The following SPAG16 variants were observed in gnomAD, a reference collection of about 807,000 sequenced individuals.
SPAG16 encodes sperm associated antigen 16.
Under a neutral mutation model 80.4 loss-of-function variants are expected in SPAG16, and 86 were observed. The observed-to-expected ratio is 1.07, with a 90% confidence interval of 0.90 to 1.28. The LOEUF (loss-of-function observed/expected upper bound fraction) is 1.28, where lower values mean the gene tolerates loss of function less well. SPAG16 is among the 50% of genes most tolerant of loss of function. SPAG16 has a pLI of 0.00. For synonymous variants in SPAG16, 294 were observed against 265.9 expected (o/e 1.11, Z -1.03); for missense variants, 870 against 765.3 (o/e 1.14, Z -1.61).
chr2:213,529,198 G>C (rs2075985742), intron 10 of SPAG16, among the ~76,000 whole-genome samples: 1 of 152,102 alleles, frequency 6.6e-6, no homozygotes, highest in East Asian at 1.9e-4. Flanking sequence ...CTAAACTGTA[G>C]GATGTTTAAA....
intron 15 of SPAG16, among the ~76,000 whole-genome samples, chr2:214,280,142 G>T (rs1171757395): frequency 6.6e-6 from 1 of 152,132 alleles, no homozygotes; most frequent in Admixed American, 6.5e-5. Context: ...AAATAGAGAT[G>T]ATGTCGGTAA....
chr2:213,963,992 A>C (rs1461276556), intron 12 of SPAG16, among the ~76,000 whole-genome samples: 4 of 152,158 alleles, frequency 2.6e-5, no homozygotes, highest in Non-Finnish European at 5.9e-5. Context: ...TCTCTGCCTT[A>C]TGATTGAATT....
At chr2:213,435,522 TC>T (rs779843893) in intron 9 of SPAG16, among the ~76,000 whole-genome samples, 1 of 152,164 alleles carries the variant, frequency 6.6e-6, no homozygotes, top group Non-Finnish European at 1.5e-5. Context: ...CACGTGTAAC[TC>T]TTTAATTTAT....
intron 10 of SPAG16, among the ~76,000 whole-genome samples, chr2:213,516,762 G>A (rs1575810098): frequency 6.6e-6 from 1 of 152,274 alleles, no homozygotes; most frequent in Admixed American, 6.5e-5. Context: ...ATCATAGGTA[G>A]CCTTTGAGTA....
chr2:213,649,325 A>G (rs1222890366), intron 10 of SPAG16, among the ~76,000 whole-genome samples: 1 of 152,198 alleles, frequency 6.6e-6, no homozygotes, highest in African/African-American at 2.4e-5. Flanking sequence ...GTTAAACTGG[A>G]AAGATAGGTC....
At chr2:214,134,409 C>T (rs2054941371) in intron 14 of SPAG16, among the ~76,000 whole-genome samples, 1 of 152,152 alleles carries the variant, frequency 6.6e-6, no homozygotes, top group Non-Finnish European at 1.5e-5. Flanking sequence ...GCCAAACATT[C>T]CTTGTCTACA....
intron 13 of SPAG16, among the ~76,000 whole-genome samples, chr2:214,069,783 TA>T (rs56978658): frequency 1.6e-4 from 25 of 151,836 alleles, no homozygotes; most frequent in Non-Finnish European, 2.8e-4. Flanking sequence ...CTAAATTTTC[TA>T]AAAAAAATCA....
chr2:213,626,641 ATTTTTTTTT>A (rs10582370), intron 10 of SPAG16, among the ~76,000 whole-genome samples: 3 of 98,980 alleles, frequency 3.0e-5, no homozygotes, highest in Non-Finnish European at 5.8e-5. Flanking sequence ...ATCGGGCTCA[ATTTTTTTTT>A]TTTTTTTTTT....
chr2:213,307,459 G>C (rs1466064635), intron 3 of SPAG16, among the ~76,000 whole-genome samples: 1 of 140,758 alleles, frequency 7.1e-6, no homozygotes, highest in East Asian at 2.1e-4. Flanking sequence ...TGCGGTGTTT[G>C]GTTTTTTGTT....
intron 9 of SPAG16, among the ~76,000 whole-genome samples, chr2:213,455,218 GTT>G (rs2071928609): frequency 6.6e-6 from 1 of 152,126 alleles, no homozygotes; most frequent in Admixed American, 6.5e-5. Flanking sequence ...TGATTCTGAA[GTT>G]TTACCTGAGG....
At chr2:213,767,511 T>C (rs765327830) in intron 10 of SPAG16, among the ~76,000 whole-genome samples, 1 of 151,744 alleles carries the variant, frequency 6.6e-6, no homozygotes, top group Non-Finnish European at 1.5e-5. Flanking sequence ...TTACAAAAAA[T>C]AAAAATAAAT....
At chr2:213,940,428 A>C (rs2079150587) in intron 12 of SPAG16, among the ~76,000 whole-genome samples, 1 of 152,154 alleles carries the variant, frequency 6.6e-6, no homozygotes, top group East Asian at 1.9e-4. Flanking sequence ...CTGAGAGTAC[A>C]GGCAGGCACA....
chr2:214,035,937 G>C (rs536298781), intron 13 of SPAG16, among the ~76,000 whole-genome samples: 2 of 152,306 alleles, frequency 1.3e-5, no homozygotes, highest in African/African-American at 4.8e-5. Flanking sequence ...ACTGCAGCCG[G>C]TGTCATGCAG....
intron 9 of SPAG16, among the ~76,000 whole-genome samples, chr2:213,386,674 A>G (rs189275518): frequency 6.6e-6 from 1 of 152,264 alleles, no homozygotes; most frequent in East Asian, 1.9e-4. Context: ...TTACTTATAT[A>G]TTTTACAAAG....
chr2:213,513,451 C>A (rs1372708430), intron 10 of SPAG16, among the ~76,000 whole-genome samples: 5 of 152,074 alleles, frequency 3.3e-5, no homozygotes, highest in Non-Finnish European at 7.4e-5. Flanking sequence ...CAAACCTGGG[C>A]AATGGAGATG....
At chr2:213,775,677 T>G (rs997360770) in intron 10 of SPAG16, among the ~76,000 whole-genome samples, 3 of 152,236 alleles carry the variant, frequency 2.0e-5, no homozygotes, top group African/African-American at 7.2e-5. Context: ...CTCTCCGCTT[T>G]TATGAGTTTG....
At chr2:214,360,320 T>C (rs1372747858) in intron 15 of SPAG16, among the ~76,000 whole-genome samples, 1 of 151,860 alleles carries the variant, frequency 6.6e-6, no homozygotes, top group East Asian at 1.9e-4. Context: ...TTTAAGCAAG[T>C]CTCTTTAACT....
At chr2:214,310,165 C>CTTTTTT in intron 15 of SPAG16, among the ~76,000 whole-genome samples, 1 of 143,782 alleles carries the variant, frequency 7.0e-6, no homozygotes, top group Non-Finnish European at 1.5e-5. Flanking sequence ...TTCTTTCTTT[C>CTTTTTT]TTTTTTTTTT....
intron 10 of SPAG16, among the ~76,000 whole-genome samples, chr2:213,764,647 C>T (rs1005450915): frequency 6.6e-5 from 10 of 152,070 alleles, no homozygotes; most frequent in African/African-American, 1.4e-4. Context: ...TCTGGTGTTA[C>T]TATCTTGAAT....
Sources: allele counts gnomAD v4.1 joint callset (sites outside exome capture counted in the v4.1 genomes callset), GRCh38; gene constraint gnomAD v4.1.1; transcripts MANE v1.5; gene names NCBI Gene and HGNC (gene_info 2026-07-23, HGNC 2026-07-21).